GMDS: variants seen among roughly 807,000 people sequenced by gnomAD.
The protein encoded by GMDS is GDP-mannose 4,6 dehydratase.
Under a neutral mutation model 49.9 loss-of-function variants are expected in GMDS, and 20 were observed. The ratio of observed to expected loss-of-function variants is 0.40; its 90% CI spans 0.28 to 0.58. The LOEUF (loss-of-function observed/expected upper bound fraction) is 0.58. GMDS is among the 20% of genes least tolerant of loss of function. GMDS has a pLI of 0.42. For missense variants in GMDS, 362 were observed against 481.4 expected, an observed-to-expected ratio of 0.75 and a Z score of 2.32; for synonymous variants, 177 against 178.6, an observed-to-expected ratio of 0.99 and a Z score of 0.07.
chr6:2,152,485 G>T (rs1776891804), intron 1 of GMDS, among the ~76,000 whole-genome samples: 1 of 152,090 alleles, frequency 6.6e-6, no homozygotes, highest in Non-Finnish European at 1.5e-5. Flanking sequence ...AAATTATGCT[G>T]GGAGGAAATA....
At chr6:2,213,168 C>T (rs905912426) in intron 1 of GMDS, among the ~76,000 whole-genome samples, 7 of 152,170 alleles carry the variant, frequency 4.6e-5, no homozygotes, top group African/African-American at 1.7e-4. Context: ...CAAAAGCTCA[C>T]CACAGGTGGC....
chr6:1,751,193 G>A (rs62388352), intron 7 of GMDS, among the ~76,000 whole-genome samples: 50,756 of 152,064 alleles, frequency 0.33, 9,960 homozygotes, highest in Non-Finnish European at 0.45. Context: ...AGAGAGCAGC[G>A]GATCTCCCAG....
intron 4 of GMDS, among the ~76,000 whole-genome samples, chr6:2,107,672 C>T (rs1001252847): frequency 9.2e-5 from 14 of 152,252 alleles, no homozygotes; most frequent in South Asian, 4.1e-4. Context: ...CAAACAAAAC[C>T]GTAACATTAC....
chr6:1,948,754 C>T (rs1763203234), intron 6 of GMDS, among the ~76,000 whole-genome samples: 1 of 152,214 alleles, frequency 6.6e-6, no homozygotes, highest in Admixed American at 6.5e-5. Flanking sequence ...CATTCATCAT[C>T]GTCTTTTCTT....
intron 7 of GMDS, among the ~76,000 whole-genome samples, chr6:1,856,345 C>T (rs1757938413): frequency 1.3e-5 from 2 of 152,226 alleles, no homozygotes; most frequent in South Asian, 4.1e-4. Context: ...TTGCCTGTAT[C>T]TATTCCTACT....
At chr6:2,187,699 C>A (rs1778840389) in intron 1 of GMDS, among the ~76,000 whole-genome samples, 1 of 152,192 alleles carries the variant, frequency 6.6e-6, no homozygotes, top group African/African-American at 2.4e-5. Context: ...AAGACTTAAA[C>A]CCTAGGCTGT....
intron 7 of GMDS, among the ~76,000 whole-genome samples, chr6:1,796,501 C>T (rs575796337): frequency 6.6e-6 from 1 of 152,226 alleles, no homozygotes; most frequent in East Asian, 1.9e-4. Flanking sequence ...TATAAAGCTC[C>T]CCAAATGCTC....
intron 8 of GMDS, among the ~76,000 whole-genome samples, chr6:1,734,073 C>A (rs1459813925): frequency 6.6e-6 from 1 of 152,126 alleles, no homozygotes; most frequent in East Asian, 1.9e-4. Context: ...TAAAATACAG[C>A]GCTAGTGTAA....
chr6:1,734,129 T>C (rs1344701786), intron 8 of GMDS, among the ~76,000 whole-genome samples: 1 of 152,172 alleles, frequency 6.6e-6, no homozygotes, highest in East Asian at 1.9e-4. Flanking sequence ...GTATGGCCTC[T>C]TGCATTGCTA....
chr6:2,228,820 T>G (rs3800190), intron 1 of GMDS, among the ~76,000 whole-genome samples: 1 of 152,090 alleles, frequency 6.6e-6, no homozygotes, highest in Non-Finnish European at 1.5e-5. Context: ...ATACCCCCCG[T>G]TGACAGCTTC....
intron 1 of GMDS, among the ~76,000 whole-genome samples, chr6:2,139,880 C>T (rs749544539): frequency 6.6e-6 from 1 of 152,116 alleles, no homozygotes; most frequent in African/African-American, 2.4e-5. Flanking sequence ...AGGAAGACGT[C>T]GTGAAAGAGG....
chr6:1,642,825 T>C (rs768857377), intron 9 of GMDS, among the ~76,000 whole-genome samples: 14 of 152,204 alleles, frequency 9.2e-5, no homozygotes, highest in Non-Finnish European at 1.9e-4. Flanking sequence ...AACAGGAAGA[T>C]CAGGATGGGC....
intron 7 of GMDS, among the ~76,000 whole-genome samples, chr6:1,915,554 A>G (rs1039947307): frequency 2.0e-5 from 3 of 152,214 alleles, no homozygotes; most frequent in African/African-American, 7.2e-5. Context: ...CCTTTATTCC[A>G]TGGTGGAGAC....
chr6:1,906,728 G>C (rs897853685), intron 7 of GMDS, among the ~76,000 whole-genome samples: 1 of 152,144 alleles, frequency 6.6e-6, no homozygotes, highest in Admixed American at 6.5e-5. Flanking sequence ...TTTTGTGCTA[G>C]AGGGCAGGGA....
intron 7 of GMDS, among the ~76,000 whole-genome samples, chr6:1,858,411 C>G (rs528667438): frequency 3.8e-4 from 58 of 152,150 alleles, no homozygotes; most frequent in Non-Finnish European, 8.1e-4. Flanking sequence ...AGGGACCAAA[C>G]TTTCTAACTG....
At chr6:2,083,197 T>C (rs899879078) in intron 4 of GMDS, among the ~76,000 whole-genome samples, 2 of 152,178 alleles carry the variant, frequency 1.3e-5, no homozygotes, top group Admixed American at 1.3e-4. Context: ...ATTAGATACC[T>C]TTAACACTTT....
intron 4 of GMDS, among the ~76,000 whole-genome samples, chr6:2,067,696 T>C (rs1323134991): frequency 1.3e-5 from 2 of 151,874 alleles, no homozygotes; most frequent in Admixed American, 6.6e-5. Flanking sequence ...ACACATACAC[T>C]CTCCCAAGAC....
At chr6:1,865,955 T>C (rs927186588) in intron 7 of GMDS, among the ~76,000 whole-genome samples, 9 of 152,108 alleles carry the variant, frequency 5.9e-5, no homozygotes, top group African/African-American at 1.2e-4. Context: ...AGAAAAACAC[T>C]ACCCCAAACT....
intron 9 of GMDS, among the ~76,000 whole-genome samples, chr6:1,689,629 C>T (rs1765102748): frequency 1.3e-5 from 2 of 152,192 alleles, no homozygotes; most frequent in Admixed American, 6.5e-5. Context: ...CTCACTGACA[C>T]ACAAATCTCC....
Sources: gnomAD v4.1 joint callset for allele counts (sites outside exome capture counted in the v4.1 genomes callset) on GRCh38, gnomAD v4.1.1 for gene constraint, MANE v1.5 for transcripts, NCBI Gene and HGNC (gene_info 2026-07-23, HGNC 2026-07-21) for gene names.